Variants in WWOX observed in about 807,000 individuals in gnomAD.
WWOX encodes the protein WW domain-containing oxidoreductase.
A neutral mutation model predicts 46.2 loss-of-function variants in WWOX; 69 were observed. The observed-to-expected ratio is 1.49, with a 90% confidence interval of 1.23 to 1.82. WWOX has a LOEUF of 1.82. Among genes scored for constraint, WWOX ranks in the 40% most tolerant of loss-of-function variants. The pLI is 0.00. For missense variants in WWOX, 919 were observed against 542.6 expected, an observed-to-expected ratio of 1.69 and a Z score of -6.89; for synonymous variants, 359 against 202.6, an observed-to-expected ratio of 1.77 and a Z score of -6.56.
At chr16:78,540,447 C>T (rs188462439) in intron 8 of WWOX, among the ~76,000 whole-genome samples, 117 of 152,254 alleles carry the variant, frequency 7.7e-4, no homozygotes, top group Admixed American at 1.3e-3. Flanking sequence ...TGTCTCTTCT[C>T]ATGGGCATTA....
chr16:78,780,714 G>T (rs1411002593), intron 8 of WWOX, among the ~76,000 whole-genome samples: 3 of 152,164 alleles, frequency 2.0e-5, no homozygotes, highest in Non-Finnish European at 2.9e-5. Context: ...CGGAAGTGCA[G>T]GGTCCCTGAG....
chr16:78,655,947 G>T (rs1035335413), intron 8 of WWOX, among the ~76,000 whole-genome samples: 1 of 152,100 alleles, frequency 6.6e-6, no homozygotes, highest in Non-Finnish European at 1.5e-5. Context: ...AATCCACAAT[G>T]CACAGCCTGG....
chr16:78,139,605 A>T (rs556826542), intron 4 of WWOX, among the ~76,000 whole-genome samples: 1 of 152,346 alleles, frequency 6.6e-6, no homozygotes, highest in East Asian at 1.9e-4. Context: ...AGATTGCGCC[A>T]CTGCACTCCA....
At chr16:78,519,807 A>G (rs1425174585) in intron 8 of WWOX, among the ~76,000 whole-genome samples, 1 of 152,124 alleles carries the variant, frequency 6.6e-6, no homozygotes, top group Non-Finnish European at 1.5e-5. Flanking sequence ...CACCACATCT[A>G]CTGGCCCCTT....
At chr16:78,867,004 C>G (rs1260140870) in intron 8 of WWOX, among the ~76,000 whole-genome samples, 32 of 152,342 alleles carry the variant, frequency 2.1e-4, no homozygotes, top group Admixed American at 1.8e-3. Flanking sequence ...GTCATAAACG[C>G]TCCTATTGCA....
chr16:79,208,515 G>C (rs1172438943), intron 8 of WWOX, among the ~76,000 whole-genome samples: 2 of 152,154 alleles, frequency 1.3e-5, no homozygotes, highest in East Asian at 1.9e-4. Flanking sequence ...TTTTATAACG[G>C]AGTTGTTAAC....
chr16:78,265,753 CT>C (rs376795614), intron 5 of WWOX, among the ~76,000 whole-genome samples: 369 of 147,776 alleles, frequency 2.5e-3, no homozygotes, highest in African/African-American at 3.7e-3. Context: ...GTTGTATCAG[CT>C]TTTTTTTTTC....
intron 8 of WWOX, among the ~76,000 whole-genome samples, chr16:78,922,400 A>G (rs2045399537): frequency 6.8e-6 from 1 of 146,510 alleles, no homozygotes; most frequent in South Asian, 2.2e-4. Context: ...TTTTTTTGAG[A>G]CAGTCTCTCA....
chr16:79,021,418 A>G (rs1180858216), intron 8 of WWOX, among the ~76,000 whole-genome samples: 2 of 152,110 alleles, frequency 1.3e-5, no homozygotes, highest in Non-Finnish European at 2.9e-5. Context: ...AATGGTTTTG[A>G]ATACATAAAA....
intron 8 of WWOX, among the ~76,000 whole-genome samples, chr16:78,850,283 G>A (rs937595162): frequency 6.6e-6 from 1 of 152,130 alleles, no homozygotes; most frequent in Non-Finnish European, 1.5e-5. Context: ...AACCCATTCA[G>A]ATTTTCCCCT....
At chr16:78,593,097 A>G (rs2045389535) in intron 8 of WWOX, among the ~76,000 whole-genome samples, 1 of 152,136 alleles carries the variant, frequency 6.6e-6, no homozygotes, top group Non-Finnish European at 1.5e-5. Context: ...ATGACAACGA[A>G]TATTTGGGAC....
At chr16:78,854,084 C>G (rs1037303068) in intron 8 of WWOX, among the ~76,000 whole-genome samples, 2 of 152,278 alleles carry the variant, frequency 1.3e-5, no homozygotes, top group African/African-American at 2.4e-5. Flanking sequence ...ATATTTTTCT[C>G]AGCATTTACA....
intron 8 of WWOX, chr16:78,535,190 G>A (rs956140936): frequency 1.3e-5 from 2 of 152,202 alleles, no homozygotes; most frequent in African/African-American, 4.8e-5. Flanking sequence ...AGAGGCTGCA[G>A]ATGGACACAG....
At chr16:78,710,535 A>G (rs1467978980) in intron 8 of WWOX, among the ~76,000 whole-genome samples, 1 of 127,768 alleles carries the variant, frequency 7.8e-6, no homozygotes, top group East Asian at 2.2e-4. Context: ...AAATATTTAT[A>G]TTTTATATAT....
chr16:79,015,076 C>G (rs2047385559), intron 8 of WWOX, among the ~76,000 whole-genome samples: 1 of 152,182 alleles, frequency 6.6e-6, no homozygotes, highest in African/African-American at 2.4e-5. Flanking sequence ...GAACCTCTGT[C>G]TTTCAAATTT....
chr16:79,014,526 T>C lies in WWOX; in HGVS notation c.1057-197082T>C, dbSNP rs1164775510. Among the ~76,000 whole-genome samples the C allele has an allele frequency of 3.3e-5, 5 of 152,340 alleles. No homozygotes were observed. The East Asian group carries it at 9.6e-4, about 29-fold the overall frequency. On this transcript the variant is annotated intron_variant, in intron 8 of 8. Coordinates refer to ENST00000566780, the MANE Select transcript of WWOX (RefSeq NM_016373.4). ...GCCGTTGCTCCAGATCCTTCTAAGA[T>C]TTTTCAATTCCAGAGATGTTTTCAC...
At chr16:78,790,782 G>T (rs2050576694) in intron 8 of WWOX, among the ~76,000 whole-genome samples, 2 of 152,044 alleles carry the variant, frequency 1.3e-5, no homozygotes, top group South Asian at 4.2e-4. Context: ...CACTTTGGGA[G>T]GCAGAAGTGG....
chr16:78,796,858 C>G (rs1050828258), intron 8 of WWOX, among the ~76,000 whole-genome samples: 2 of 148,368 alleles, frequency 1.3e-5, no homozygotes, highest in Non-Finnish European at 3.0e-5. Context: ...CATAGTCTCA[C>G]TCTGTCACCT....
At chr16:78,127,914 C>T (rs1213824606) in intron 4 of WWOX, among the ~76,000 whole-genome samples, 1 of 152,168 alleles carries the variant, frequency 6.6e-6, no homozygotes, top group Non-Finnish European at 1.5e-5. Flanking sequence ...TAAGGCAAGT[C>T]ACTTAACCAT....
Sources: gnomAD v4.1 joint callset for allele counts (sites outside exome capture counted in the v4.1 genomes callset) on GRCh38, gnomAD v4.1.1 for gene constraint, MANE v1.5 for transcripts, NCBI Gene and HGNC (gene_info 2026-07-23, HGNC 2026-07-21) for gene names.